Variants in PIBF1 observed in about 807,000 individuals in gnomAD.
The protein encoded by PIBF1 is progesterone-induced-blocking factor 1.
In PIBF1, 90 loss-of-function variants were observed where a neutral mutation model predicts 112.5. The ratio of observed to expected loss-of-function variants is 0.80; its 90% CI spans 0.67 to 0.95. PIBF1 has a LOEUF of 0.95. PIBF1 is among the 40% of genes least tolerant of loss of function. The pLI, the probability that PIBF1 is intolerant of heterozygous loss-of-function variation, is 0.00. For missense variants in PIBF1, 915 were observed against 852.3 expected, an observed-to-expected ratio of 1.07 and a Z score of -0.92; for synonymous variants, 301 against 288.6, an observed-to-expected ratio of 1.04 and a Z score of -0.44.
intron 6 of PIBF1, among the ~76,000 whole-genome samples, chr13:72,825,548 T>A (rs9530101): frequency 0.12 from 18,112 of 152,042 alleles, 1,420 homozygotes; most frequent in Non-Finnish European, 0.17. Context: ...GGACTGACTG[T>A]TTGGTGGGAT....
intron 11 of PIBF1, chr13:72,900,936 C>A (rs1227612505): frequency 7.2e-6 from 2 of 277,130 alleles, no homozygotes; most frequent in Non-Finnish European, 1.5e-5. Flanking sequence ...GCAGGAGAAT[C>A]TCTTGAACCC....
chr13:72,916,414 A>ATTTT (rs1555313939), intron 12 of PIBF1, among the ~76,000 whole-genome samples: 143 of 149,034 alleles, frequency 9.6e-4, no homozygotes, highest in Middle Eastern at 3.5e-3. Context: ...ATATATATAT[A>ATTTT]TTTTTTTAAT....
chr13:72,949,513 C>T (rs556537778), intron 14 of PIBF1, among the ~76,000 whole-genome samples: 1 of 152,016 alleles, frequency 6.6e-6, no homozygotes, highest in African/African-American at 2.4e-5. Flanking sequence ...GACAGGGTTT[C>T]ACCCTGTTGG....
intron 10 of PIBF1, among the ~76,000 whole-genome samples, chr13:72,885,985 T>C (rs1431693047): frequency 6.6e-6 from 1 of 152,182 alleles, no homozygotes; most frequent in East Asian, 1.9e-4. Flanking sequence ...TTAACATTTA[T>C]AGGGCTTCCC....
chr13:72,885,305 C>G (rs868729040), intron 10 of PIBF1, among the ~76,000 whole-genome samples: 2 of 152,066 alleles, frequency 1.3e-5, no homozygotes, highest in Non-Finnish European at 2.9e-5. Context: ...TTTACGGACA[C>G]CTAAACCTGG....
intron 8 of PIBF1, among the ~76,000 whole-genome samples, chr13:72,835,000 A>G (rs1275214614): frequency 6.6e-6 from 1 of 152,210 alleles, no homozygotes; most frequent in Non-Finnish European, 1.5e-5. Context: ...ATGAATTACT[A>G]AGATTTTATA....
chr13:72,886,349 T>C (rs963288397), intron 10 of PIBF1, among the ~76,000 whole-genome samples: 1 of 151,876 alleles, frequency 6.6e-6, no homozygotes, highest in African/African-American at 2.4e-5. Flanking sequence ...CGGAGGATAA[T>C]TCAAGCTGAA....
In PIBF1 at chr13:72,806,374, CT is replaced by C. The variant is rs397830007; in HGVS notation, c.672+8360del. Among the ~76,000 whole-genome samples, 233 of 146,422 alleles carry C rather than the reference CT, an allele frequency of 1.6e-3. 1 individual carries two copies. Among genetic ancestry groups the C allele is most frequent in the African/African-American group, 3.7e-3 (148 of 39,600 alleles). ...ATGTTGTAGCATGTGACAGAATTTTCTTTTTTTTTTTTATTGTACTTTAAGT... is the reference window on the plus strand; with the variant it reads ...ATGTTGTAGCATGTGACAGAATTTTCTTTTTTTTTTTATTGTACTTTAAGT... On this transcript the variant is annotated intron_variant, in intron 5 of 17. Transcript: ENST00000326291.
intron 14 of PIBF1, among the ~76,000 whole-genome samples, chr13:72,958,121 T>TA (rs879642061): frequency 3.9e-4 from 56 of 144,052 alleles, no homozygotes; most frequent in South Asian, 1.1e-3. Flanking sequence ...CCTTGCCTCT[T>TA]AAAAAAAAAA....
chr13:72,808,210 GTTAT>G (rs1171344737), intron 5 of PIBF1, among the ~76,000 whole-genome samples: 1 of 152,048 alleles, frequency 6.6e-6, no homozygotes, highest in Non-Finnish European at 1.5e-5. Context: ...TTTCAGTTTG[GTTAT>G]TTATTATAGC....
rs534575943 is a variant in PIBF1, at chr13:72,982,633, A to T, written c.2049+8958A>T. 3.9e-5 allele frequency among the ~76,000 whole-genome samples: 6 copies of T among 152,248 alleles called. No homozygotes were observed. In the South Asian group the frequency reaches 1.2e-3, roughly 32 times the overall value. On this transcript the variant is annotated intron_variant, in intron 16 of 17. Transcript: ENST00000326291. ...AATTCCTTTTTGTACTTTAGCCTTT[A>T]GCACAATATTTAGCAGATAATAAGT...
At chr13:72,827,164 G>T in intron 7 of PIBF1, 46 bp downstream of exon 7, 2 of 883,586 alleles carry the variant, frequency 2.3e-6, no homozygotes, top group Non-Finnish European at 1.6e-6. Flanking sequence ...CATAGTATTA[G>T]TGAAAAAAAT....
chr13:72,871,647 T>C (rs1408379904), intron 10 of PIBF1, among the ~76,000 whole-genome samples: 2 of 152,120 alleles, frequency 1.3e-5, no homozygotes, highest in Non-Finnish European at 2.9e-5. Context: ...GATTAGAGCT[T>C]CCCCTTCCAC....
At chr13:72,815,516 A>G (rs2036225736) in intron 5 of PIBF1, among the ~76,000 whole-genome samples, 1 of 152,358 alleles carries the variant, frequency 6.6e-6, no homozygotes, top group Non-Finnish European at 1.5e-5. Flanking sequence ...CAAGCTCATT[A>G]AAATAGCAAT....
At chr13:72,876,353 A>G (rs2039402286) in intron 10 of PIBF1, among the ~76,000 whole-genome samples, 1 of 151,864 alleles carries the variant, frequency 6.6e-6, no homozygotes, top group Non-Finnish European at 1.5e-5. Flanking sequence ...GTAAGTCTCA[A>G]AGTTGGATAG....
chr13:72,927,012 C>T (rs2041506282), intron 13 of PIBF1, among the ~76,000 whole-genome samples: 1 of 151,732 alleles, frequency 6.6e-6, no homozygotes, highest in Non-Finnish European at 1.5e-5. Flanking sequence ...TCTAATTCAC[C>T]CTGCTTTTCT....
intron 14 of PIBF1, among the ~76,000 whole-genome samples, chr13:72,946,080 C>T (rs184147291): frequency 1.3e-5 from 2 of 152,166 alleles, no homozygotes; most frequent in East Asian, 1.9e-4. Flanking sequence ...TCCGTTCTCA[C>T]ACTGCCAATG....
chr13:72,836,650 CTG>C (rs1009867715), intron 9 of PIBF1, among the ~76,000 whole-genome samples: 2 of 152,050 alleles, frequency 1.3e-5, no homozygotes, highest in Non-Finnish European at 2.9e-5. Flanking sequence ...GCTAATGCCT[CTG>C]AGGGGTATGA....
At chr13:72,897,916 A>G (rs1398517306) in intron 11 of PIBF1, among the ~76,000 whole-genome samples, 1 of 152,214 alleles carries the variant, frequency 6.6e-6, no homozygotes, top group East Asian at 1.9e-4. Context: ...TCAACAAAGA[A>G]ACAATGGATT....
Sources: gnomAD v4.1 joint callset for allele counts (sites outside exome capture counted in the v4.1 genomes callset) on GRCh38, gnomAD v4.1.1 for gene constraint, MANE v1.5 for transcripts, NCBI Gene and HGNC (gene_info 2026-07-23, HGNC 2026-07-21) for gene names.